Variants in GNB1 observed in about 807,000 individuals in gnomAD.
The protein encoded by GNB1 is G protein subunit beta 1, also known as guanine nucleotide-binding protein G(I)/G(S)/G(T) subunit beta-1.
In GNB1, 2 loss-of-function variants were observed where a neutral mutation model predicts 42.9. The observed-to-expected ratio is 0.05, with a 90% CI of 0.02 to 0.15. The LOEUF (loss-of-function observed/expected upper bound fraction) is 0.15, where lower values mean the gene tolerates loss of function less well. Ranked by LOEUF, GNB1 falls within the 10% of genes least tolerant of loss-of-function variation. GNB1 has a pLI of 1.00. For missense variants in GNB1, 193 were observed against 462.2 expected (o/e 0.42, Z 5.34); for synonymous variants, 183 against 174.7 (o/e 1.05, Z -0.38).
chr1:1,873,287 A>G (rs1489532020), intron 1 of GNB1, among the ~76,000 whole-genome samples: 1 of 152,260 alleles, frequency 6.6e-6, no homozygotes, highest in African/African-American at 2.4e-5. Flanking sequence ...GTAGCCTGTC[A>G]AACTCTGCTC....
intron 2 of GNB1, among the ~76,000 whole-genome samples, chr1:1,834,058 T>G (rs528419915): frequency 1.8e-4 from 27 of 151,948 alleles, no homozygotes; most frequent in Admixed American, 1.8e-3. Flanking sequence ...AAGCAAACAA[T>G]GGAGGGAGGA....
rs35300114 is a variant in GNB1, at chr1:1,837,255, A to ATT, written c.-47+1933_-47+1934dup. ...TTTAGGTATATGATCCATTGAGTTA[A>ATT]TTTTTTTTTTTTTTTTTGAGACGGA... On this transcript the variant is annotated intron_variant, in intron 2 of 11. Transcript: ENST00000378609. 1.1e-3 allele frequency among the ~76,000 whole-genome samples: 148 copies of ATT among 138,264 alleles called. 1 individual carries two copies. The highest frequency in any genetic ancestry group is 1.5e-3 in the East Asian group (7 of 4,710). 90.7% of individuals were successfully genotyped at this position (138,264 alleles called of 152,430 possible). A position where few individuals can be genotyped will look rare whatever the true frequency, so the allele number is the denominator to read the frequency against.
At chr1:1,803,899 T>C (rs1570639237) in intron 7 of GNB1, among the ~76,000 whole-genome samples, 1 of 141,836 alleles carries the variant, frequency 7.1e-6, no homozygotes, top group Admixed American at 7.3e-5. Context: ...GGAGAATCGC[T>C]TGAACCCAGG....
chr1:1,879,488 C>T (rs112522584), intron 1 of GNB1, among the ~76,000 whole-genome samples: 1,760 of 152,274 alleles, frequency 0.012, 37 homozygotes, highest in African/African-American at 0.04. Flanking sequence ...GGGCAGATCA[C>T]GAGATCAGGC....
rs962833358 is a variant in GNB1 at position 1,860,938 on chromosome 1, T to C, written c.-95-21700A>G. On this transcript the variant is annotated intron_variant, in intron 1 of 11. Transcript: ENST00000378609. ...GCCTGACCAACATGGCTAAACTCCA[T>C]GTCTACTAAAAATACAAAAATTAGC... is the stretch of plus-strand genomic sequence containing the variant. Among the ~76,000 whole-genome samples the C allele has an allele frequency of 4.0e-5, 6 of 151,652 alleles. No individual in the cohort carries two copies. In the East Asian group the frequency reaches 9.8e-4, roughly 25 times the overall value.
chr1:1,848,591 ATT>A (rs1647809321), intron 1 of GNB1, among the ~76,000 whole-genome samples: 1 of 151,952 alleles, frequency 6.6e-6, no homozygotes, highest in African/African-American at 2.4e-5. Context: ...TAGTAAATAC[ATT>A]TTTCTCTCCC....
rs369223270 is a variant in GNB1, at chr1:1,786,383, C to T, written c.*680G>A. 54 of 274,868 alleles carry T rather than the reference C, an allele frequency of 2.0e-4. 1 individual carries two copies. The highest frequency in any genetic ancestry group is 1.0e-3 in the Middle Eastern group (1 of 970). The allele number at this position is 274,868 out of a possible 1,614,324, so 17.0% of individuals were successfully genotyped here. On this transcript the variant is annotated 3_prime_UTR_variant, in exon 12 of 12. Coordinates refer to ENST00000378609, the MANE Select transcript of GNB1 (RefSeq NM_002074.5). ...CTGATCACGCATTTGAGACCGTCCC[C>T]GCATGTGCTTGGCCCCATGGCTTCT...
chr1:1,837,258 T>C (rs1338960253), intron 2 of GNB1, among the ~76,000 whole-genome samples: 1 of 150,704 alleles, frequency 6.6e-6, no homozygotes, highest in Non-Finnish European at 1.5e-5. Flanking sequence ...TGAGTTAATT[T>C]TTTTTTTTTT....
chr1:1,785,933 T>TACA lies in GNB1; in HGVS notation c.*1127_*1129dup, dbSNP rs1197714249. On this transcript the variant is annotated 3_prime_UTR_variant, in exon 12 of 12. Transcript: ENST00000378609. ...GAGAAGTGGACAGAGCCGCAATGGTTACAACTGTAAGAGGTTATTTCTTAA... is the reference window on the plus strand; with the variant it reads ...GAGAAGTGGACAGAGCCGCAATGGTTACAACAACTGTAAGAGGTTATTTCTTAA... 2.5e-6 allele frequency: 1 copy of TACA among 398,782 alleles called. No homozygotes were observed. Among genetic ancestry groups the TACA allele is most frequent in the Non-Finnish European group, 4.4e-6 (1 of 226,066 alleles). The allele number at this position is 398,782 out of a possible 1,614,324, so 24.7% of individuals were successfully genotyped here. A position where few individuals can be genotyped will look rare whatever the true frequency, so the allele number is the denominator to read the frequency against.
intron 1 of GNB1, among the ~76,000 whole-genome samples, chr1:1,890,042 A>C (rs1360014969): frequency 1.3e-5 from 2 of 151,850 alleles, no homozygotes; most frequent in Admixed American, 1.3e-4. Flanking sequence ...CAGCGGTGGG[A>C]GCGCCATCTT....
chr1:1,842,303 G>A (rs1295914134), intron 1 of GNB1, among the ~76,000 whole-genome samples: 6 of 152,226 alleles, frequency 3.9e-5, no homozygotes, highest in East Asian at 1.9e-4. Context: ...GGTGGCGGGC[G>A]TCTGTAGTCC....
At chr1:1,811,307 C>G (rs982181239) in intron 5 of GNB1, among the ~76,000 whole-genome samples, 3 of 151,892 alleles carry the variant, frequency 2.0e-5, no homozygotes, top group East Asian at 2.0e-4. Flanking sequence ...AGGCTGGTCT[C>G]GAACTCCTGA....
At chr1:1,834,415 C>T (rs1387103589) in intron 2 of GNB1, among the ~76,000 whole-genome samples, 1 of 152,092 alleles carries the variant, frequency 6.6e-6, no homozygotes, top group East Asian at 1.9e-4. Context: ...CCTCTTTTTG[C>T]TTTTAGGGCG....
At chr1:1,851,696 G>A (rs917187918) in intron 1 of GNB1, among the ~76,000 whole-genome samples, 1 of 152,160 alleles carries the variant, frequency 6.6e-6, no homozygotes, top group African/African-American at 2.4e-5. Context: ...AGTCTTGCAG[G>A]CTACCATGAG....
intron 7 of GNB1, 109 bp from the exon 8 acceptor site, chr1:1,793,420 A>C: frequency 1.5e-6 from 1 of 675,868 alleles, no homozygotes; most frequent in Non-Finnish European, 2.7e-6. Context: ...CTAAGGTAAG[A>C]CCAGCACCAT....
Position 1,787,282 on chromosome 1 carries a change from C to A in GNB1, c.*9+40G>T. ...TCAAATGTTCTATGAGAAACACGCACAGTTCTCCTCAGAGAAGGGCATTTG... is the reference window on the plus strand; with the variant it reads ...TCAAATGTTCTATGAGAAACACGCAAAGTTCTCCTCAGAGAAGGGCATTTG... On this transcript the variant is annotated intron_variant, in intron 11 of 11. Coordinates refer to ENST00000378609, the MANE Select transcript of GNB1 (RefSeq NM_002074.5). The surrounding 1 kb of genome is among the most constrained non-coding windows in gnomAD (Gnocchi z 4.4). The A allele has an allele frequency of 1.0e-6, 1 of 970,180 alleles. No homozygotes were observed. Among genetic ancestry groups the A allele is most frequent in the Non-Finnish European group, 1.7e-6 (1 of 604,156 alleles). 60.1% of individuals were successfully genotyped at this position (970,180 alleles called of 1,614,324 possible).
intron 7 of GNB1, among the ~76,000 whole-genome samples, chr1:1,804,109 C>T (rs547457371): frequency 1.3e-5 from 2 of 150,360 alleles, no homozygotes; most frequent in East Asian, 2.0e-4. Context: ...CTGGCTAACA[C>T]GGTGAAACCC....
intron 1 of GNB1, among the ~76,000 whole-genome samples, chr1:1,880,745 C>T (rs1557951403): frequency 6.6e-6 from 1 of 152,156 alleles, no homozygotes; most frequent in Admixed American, 6.5e-5. Context: ...CCAAATGTTG[C>T]TAACTCCCAA....
Position 1,789,249 on chromosome 1 carries a change from T to C in GNB1, c.720A>G (p.Ala240=), listed in dbSNP as rs770626884. ...NAICFFPNGN[A]FATGSDDATC... ...TGGCGTCGTCTGAGCCAGTGGCAAA[T>C]GCATTGCCATTTGGAAAGAACTGGA... The change falls in exon 10 of 12, where the codon GCA becomes GCG. Residue 240 remains alanine, a synonymous_variant. Transcript: ENST00000378609. 1.4e-5 allele frequency: 23 copies of C among 1,601,236 alleles called. No homozygotes were observed. In the African/African-American group the frequency reaches 2.8e-4, roughly 20 times the overall value.
Sources: gnomAD v4.1 joint callset for allele counts (sites outside exome capture counted in the v4.1 genomes callset) on GRCh38, gnomAD v4.1.1 for gene constraint, Gnocchi (gnomAD v3.1) non-coding constraint, MANE v1.5 for transcripts, NCBI Gene and HGNC (gene_info 2026-07-23, HGNC 2026-07-21) for gene names.